Variants in GLDC observed in about 807,000 individuals in gnomAD.
The protein encoded by GLDC is glycine decarboxylase, also known as glycine dehydrogenase (decarboxylating), mitochondrial.
A neutral mutation model predicts 121.3 loss-of-function variants in GLDC; 104 were observed. The observed-to-expected ratio is 0.86, with a 90% confidence interval of 0.73 to 1.01. GLDC has a LOEUF of 1.01. Ranked by LOEUF, GLDC falls within the 50% of genes least tolerant of loss-of-function variation. The pLI is 0.00. For missense variants in GLDC, 1,429 were observed against 1,306.6 expected (o/e 1.09, Z -1.44); for synonymous variants, 546 against 480.6 (o/e 1.14, Z -1.78).
At chr9:6,558,166 G>C (rs1817676082) in intron 17 of GLDC, 1 of 349,442 alleles carries the variant, frequency 2.9e-6, no homozygotes. Flanking sequence ...CAGCATGATG[G>C]GGCTGGCACA....
chr9:6,576,372 T>C (rs1242460778), intron 15 of GLDC, among the ~76,000 whole-genome samples: 1 of 152,184 alleles, frequency 6.6e-6, no homozygotes, highest in African/African-American at 2.4e-5. Context: ...ATGGCACTAA[T>C]CCCATTCAGG....
chr9:6,599,571 A>C (rs1440802183), intron 8 of GLDC, among the ~76,000 whole-genome samples: 1 of 151,814 alleles, frequency 6.6e-6, no homozygotes. Flanking sequence ...AAATAGAAAA[A>C]TTAGTTGGGC....
At chr9:6,628,733 C>T (rs1488500886) in intron 2 of GLDC, among the ~76,000 whole-genome samples, 1 of 152,108 alleles carries the variant, frequency 6.6e-6, no homozygotes, top group Non-Finnish European at 1.5e-5. Context: ...AGAGTGAGAC[C>T]CTGCCTAAAG....
intron 4 of GLDC, among the ~76,000 whole-genome samples, chr9:6,607,788 T>G (rs2129907746): frequency 6.6e-6 from 1 of 151,764 alleles, no homozygotes; most frequent in East Asian, 2.0e-4. Flanking sequence ...TAGTTGGGAC[T>G]ACGGGCATGT....
chr9:6,563,165 C>G, intron 16 of GLDC, among the ~76,000 whole-genome samples: 1 of 152,238 alleles, frequency 6.6e-6, no homozygotes, highest in East Asian at 1.9e-4. Context: ...GGAAGAACCC[C>G]GCCCAGGCCA....
At chr9:6,588,345 G>A (rs1297053890) in intron 14 of GLDC, 56 bp downstream of exon 14, 13 of 1,198,558 alleles carry the variant, frequency 1.1e-5, no homozygotes, top group Non-Finnish European at 1.4e-5. Context: ...GGGCTTAGGT[G>A]GAAGCTAGAA....
chr9:6,576,620 C>T (rs1223669191), intron 15 of GLDC, among the ~76,000 whole-genome samples: 1 of 152,112 alleles, frequency 6.6e-6, no homozygotes, highest in East Asian at 1.9e-4. Flanking sequence ...GCCCCTGCCA[C>T]CACACCTGGC....
intron 15 of GLDC, among the ~76,000 whole-genome samples, chr9:6,576,667 A>G (rs548893022): frequency 3.3e-5 from 5 of 152,164 alleles, no homozygotes; most frequent in African/African-American, 4.8e-5. Flanking sequence ...GAGTTTCACT[A>G]CGTTGGCCAG....
Position 6,594,312 on chromosome 9 carries a change from C to A in GLDC, c.1261+702G>T, listed in dbSNP as rs187924203. ...CCTATTTTTCTATTAGGGTGTTCAT[C>A]CTTCTTATGTTTGGGGCCGGTAGGA... is the stretch of plus-strand genomic sequence containing the variant. On this transcript the variant is annotated intron_variant, in intron 9 of 24. Transcript: ENST00000321612. Among the ~76,000 whole-genome samples, 279 of 152,032 alleles carry A rather than the reference C, an allele frequency of 1.8e-3. 1 individual carries two copies. Among genetic ancestry groups the A allele is most frequent in the African/African-American group, 6.3e-3 (262 of 41,474 alleles).
At chr9:6,597,863 G>C (rs1439388057) in intron 8 of GLDC, among the ~76,000 whole-genome samples, 4 of 152,020 alleles carry the variant, frequency 2.6e-5, no homozygotes, top group Non-Finnish European at 5.9e-5. Context: ...GTGAACCCGG[G>C]AGGCAGAGCT....
In GLDC at chr9:6,591,747, G is replaced by C. The variant is rs187222769; in HGVS notation, c.1482+396C>G. 12 of 264,704 alleles carry C rather than the reference G, an allele frequency of 4.5e-5. No individual in the cohort carries two copies. In the Admixed American group the frequency reaches 4.7e-4, roughly 10 times the overall value. 16.4% of individuals were successfully genotyped at this position (264,704 alleles called of 1,614,324 possible). ...TTACAGGTATGTGCCACCATGCCTG[G>C]CTAATTTTGTATTTTTAGTGGAGAC... is the stretch of plus-strand genomic sequence containing the variant. On this transcript the variant is annotated intron_variant, in intron 11 of 24. Coordinates refer to ENST00000321612, the MANE Select transcript of GLDC (RefSeq NM_000170.3).
intron 4 of GLDC, among the ~76,000 whole-genome samples, chr9:6,607,343 G>A (rs1818755870): frequency 6.6e-6 from 1 of 152,146 alleles, no homozygotes; most frequent in Non-Finnish European, 1.5e-5. Flanking sequence ...AGCACTACGG[G>A]AGGCCGAGGT....
intron 14 of GLDC, 117 bp from the exon 15 acceptor site, chr9:6,587,400 C>T (rs909350263): frequency 1.7e-5 from 13 of 762,150 alleles, no homozygotes; most frequent in Non-Finnish European, 2.9e-5. Flanking sequence ...GTTCTAAGCG[C>T]TATACATATG....
rs116068152 is a variant in GLDC, at chr9:6,607,895, G to A, written c.636-1226C>T. On this transcript the variant is annotated intron_variant, in intron 4 of 24. Transcript: ENST00000321612. ...CCTTATACTTTGGGAGGCTGAGGTG[G>A]GTGGATTGCTCGAGCTCAGGGGTTC... 2.7e-3 allele frequency among the ~76,000 whole-genome samples: 405 copies of A among 152,056 alleles called. 2 individuals are homozygous for A. Among genetic ancestry groups the A allele is most frequent in the African/African-American group, 9.5e-3 (393 of 41,496 alleles).
At position 6,619,146 on chromosome 9, in the gene GLDC, C is replaced by CAAAAAAAAA. The variant is rs1162280442; in HGVS notation, c.470+1029_470+1037dup. On this transcript the variant is annotated intron_variant, in intron 3 of 24. Coordinates refer to ENST00000321612, the MANE Select transcript of GLDC (RefSeq NM_000170.3). ...CAACAGAGTGAGACTCTGTCTCAGG[C>CAAAAAAAAA]AAAAAAAAAAAAAAAAAAAAAAAAA... Among the ~76,000 whole-genome samples the CAAAAAAAAA allele has an allele frequency of 1.8e-4, 11 of 60,672 alleles. 1 individual carries two copies. The highest frequency in any genetic ancestry group is 3.7e-4 in the African/African-American group (6 of 16,072). 39.8% of individuals were successfully genotyped at this position (60,672 alleles called of 152,430 possible). A position where few individuals can be genotyped will look rare whatever the true frequency, so the allele number is the denominator to read the frequency against.
At chr9:6,619,413 A>C (rs1428835510) in intron 3 of GLDC, among the ~76,000 whole-genome samples, 1 of 151,942 alleles carries the variant, frequency 6.6e-6, no homozygotes, top group African/African-American at 2.4e-5. Flanking sequence ...AGGGAACACA[A>C]TTATCTGTCC....
chr9:6,635,662 C>T (rs984377132), intron 2 of GLDC, among the ~76,000 whole-genome samples: 2 of 151,980 alleles, frequency 1.3e-5, no homozygotes, highest in African/African-American at 4.8e-5. Context: ...CATTTAAGCC[C>T]AGAAGCTTGA....
intron 3 of GLDC, among the ~76,000 whole-genome samples, chr9:6,616,767 C>G (rs1818974450): frequency 6.6e-6 from 1 of 152,170 alleles, no homozygotes; most frequent in South Asian, 2.1e-4. Flanking sequence ...AAATAGGATG[C>G]TTGATATATT....
Position 6,620,177 on chromosome 9 carries a change from A to T in GLDC, c.470+7T>A. On this transcript the variant is annotated splice_region_variant and intron_variant, in intron 3 of 24. Transcript: ENST00000321612. ...TCATCCTGTTCCTGAACTGAGAAAT[A>T]CATTACCATCCTGAGTTCTCCAGTA... 6.2e-7 allele frequency: 1 copy of T among 1,611,940 alleles called. No individual in the cohort carries two copies. Among genetic ancestry groups the T allele is most frequent in the South Asian group, 1.1e-5 (1 of 90,988 alleles).
Sources: allele counts gnomAD v4.1 joint callset (sites outside exome capture counted in the v4.1 genomes callset), GRCh38; gene constraint gnomAD v4.1.1; transcripts MANE v1.5; gene names NCBI Gene and HGNC (gene_info 2026-07-23, HGNC 2026-07-21).